Variants in NINJ1 observed in about 807,000 individuals in gnomAD.
The protein encoded by NINJ1 is ninjurin-1.
Under a neutral mutation model 12.7 loss-of-function variants are expected in NINJ1, and 6 were observed. That is an observed-to-expected ratio of 0.47 (90% CI 0.26 to 0.93). The LOEUF is 0.93. Ranked by LOEUF, NINJ1 falls within the 40% of genes least tolerant of loss-of-function variation. NINJ1 has a pLI of 0.15. For synonymous variants in NINJ1, 100 were observed against 96.0 expected (o/e 1.04, Z -0.25); for missense variants, 170 against 213.0 (o/e 0.80, Z 1.26).
At chr9:93,127,436 T>C (rs1827830416) in intron 1 of NINJ1, among the ~76,000 whole-genome samples, 1 of 152,162 alleles carries the variant, frequency 6.6e-6, no homozygotes, top group Non-Finnish European at 1.5e-5. Flanking sequence ...CTTTCCCTGG[T>C]GCCAGACACT....
intron 1 of NINJ1, among the ~76,000 whole-genome samples, chr9:93,131,861 A>G (rs974971012): frequency 6.6e-6 from 1 of 152,120 alleles, no homozygotes; most frequent in Admixed American, 6.5e-5. Flanking sequence ...AGCCTTGTCC[A>G]CCCTGGGAGG....
rs550201146 is a variant in NINJ1 at position 93,130,456 on chromosome 9, G to C, written c.75+3687C>G. Among the ~76,000 whole-genome samples, 20 of 152,334 alleles carry C rather than the reference G, an allele frequency of 1.3e-4. No individual in the cohort carries two copies. The South Asian group carries it at 3.9e-3, about 30-fold the overall frequency. On this transcript the variant is annotated intron_variant, in intron 1 of 3. Transcript: ENST00000375446. ...CCCAGGGCTTGGATGGGAGGAGACA[G>C]GGTCGGGGCTGTGGGCCCACAAATG...
At position 93,132,339 on chromosome 9, in the gene NINJ1, C is replaced by A. The variant is rs147005141; in HGVS notation, c.75+1804G>T. On this transcript the variant is annotated intron_variant, in intron 1 of 3. Transcript: ENST00000375446. ...TTCCACAGCTCCCTGGACACCAGAC[C>A]GTGATCAGGCCTGCAAGGCCCCTCC... 2.8e-3 allele frequency among the ~76,000 whole-genome samples: 420 copies of A among 152,320 alleles called. 2 individuals carry two copies. The highest frequency in any genetic ancestry group is 0.013 in the South Asian group (65 of 4,832).
Position 93,124,907 on chromosome 9 carries a change from CCTA to C in NINJ1, c.457_459del (p.Ter153delextTer23). On this transcript the variant is annotated stop_lost and inframe_deletion, in exon 3 of 4. Coordinates refer to ENST00000375446, the MANE Select transcript of NINJ1 (RefSeq NM_004148.4). ...CCCATCTCCCAGCTCACCTGGGTGT[CCTA>C]CTGCTGGGGTGCCATGTCCATCAAG... The C allele has an allele frequency of 1.2e-6, 2 of 1,607,044 alleles. No homozygotes were observed. Among genetic ancestry groups the C allele is most frequent in the Non-Finnish European group, 1.7e-6 (2 of 1,176,310 alleles).
At chr9:93,132,387 C>T (rs1827907979) in intron 1 of NINJ1, among the ~76,000 whole-genome samples, 1 of 152,222 alleles carries the variant, frequency 6.6e-6, no homozygotes, top group African/African-American at 2.4e-5. Flanking sequence ...TTCCCATCCC[C>T]CCACCTCCTA....
intron 2 of NINJ1, 56 bp from the exon 3 acceptor site, chr9:93,125,118 G>C: frequency 1.3e-6 from 2 of 1,541,476 alleles, no homozygotes; most frequent in Non-Finnish European, 1.8e-6. Flanking sequence ...CAGCGCCCCA[G>C]CCTGGGACAG....
intron 3 of NINJ1, 134 bp downstream of exon 3, chr9:93,124,765 T>C: frequency 1.1e-6 from 1 of 926,794 alleles, no homozygotes. Context: ...ATTGGCCTTG[T>C]AGGTGTGGAC....
intron 3 of NINJ1, among the ~76,000 whole-genome samples, 190 bp from the exon 4 acceptor site, chr9:93,122,420 G>A (rs190848858): frequency 2.0e-5 from 3 of 150,384 alleles, no homozygotes; most frequent in African/African-American, 2.5e-5. Context: ...GCCTGGGAAG[G>A]GGGGAGAGGA....
chr9:93,128,554 C>T (rs1347197576), intron 1 of NINJ1, among the ~76,000 whole-genome samples: 2 of 152,252 alleles, frequency 1.3e-5, no homozygotes, highest in Non-Finnish European at 2.9e-5. Flanking sequence ...CGAAGCTGCC[C>T]AGTGGGCCAC....
At chr9:93,128,083 T>C (rs970098625) in intron 1 of NINJ1, among the ~76,000 whole-genome samples, 1 of 152,116 alleles carries the variant, frequency 6.6e-6, no homozygotes, top group Non-Finnish European at 1.5e-5. Context: ...GCCTGGGAAT[T>C]CCAACAACCT....
At chr9:93,133,367 G>C (rs776444365) in intron 1 of NINJ1, among the ~76,000 whole-genome samples, 1 of 152,238 alleles carries the variant, frequency 6.6e-6, no homozygotes, top group Non-Finnish European at 1.5e-5. Flanking sequence ...GTTAGAAAAG[G>C]AAAGAATGTT....
Position 93,126,354 on chromosome 9 carries a change from G to A in NINJ1, c.304+56C>T, listed in dbSNP as rs577144241. 26 of 1,489,868 alleles carry A rather than the reference G, an allele frequency of 1.7e-5. No homozygotes were observed. In the East Asian group the frequency reaches 4.5e-4, roughly 26 times the overall value. The allele number at this position is 1,489,868 out of a possible 1,614,324, so 92.3% of individuals were successfully genotyped here. Reference sequence around the variant, plus strand: ...GGTGGGCACCTGTCCCAGGCGATGCGAGCAGATGCCAGCAAGGTGAGCAGG... The same window carrying A: ...GGTGGGCACCTGTCCCAGGCGATGCAAGCAGATGCCAGCAAGGTGAGCAGG... On this transcript the variant is annotated intron_variant, in intron 2 of 3. Transcript: ENST00000375446.
At position 93,126,647 on chromosome 9, in the gene NINJ1, A is replaced by G. The variant is rs1587664487; in HGVS notation, c.76-9T>C. The G allele has an allele frequency of 3.5e-6, 5 of 1,434,264 alleles. No homozygotes were observed. Among genetic ancestry groups the G allele is most frequent in the Non-Finnish European group, 3.8e-6 (4 of 1,049,738 alleles). 88.8% of individuals were successfully genotyped at this position (1,434,264 alleles called of 1,614,324 possible). On this transcript the variant is annotated splice_polypyrimidine_tract_variant and intron_variant, in intron 1 of 3. Transcript: ENST00000375446. Reference sequence around the variant, plus strand: ...CAGCCCCAGCGGGCCGGCTGCAGGGAGGGGAATGGTCAGCAAGGCGGGTGG... The same window carrying G: ...CAGCCCCAGCGGGCCGGCTGCAGGGGGGGGAATGGTCAGCAAGGCGGGTGG...
Position 93,122,477 on chromosome 9 carries a change from A to G in NINJ1, c.*10-247T>C, listed in dbSNP as rs1225898915. 1.1e-4 allele frequency among the ~76,000 whole-genome samples: 16 copies of G among 142,120 alleles called. 1 individual carries two copies. The highest frequency in any genetic ancestry group is 1.5e-4 in the Non-Finnish European group (10 of 64,938). The allele number at this position is 142,120 out of a possible 152,430, so 93.2% of individuals were successfully genotyped here. A position where few individuals can be genotyped will look rare whatever the true frequency, so the allele number is the denominator to read the frequency against. On this transcript the variant is annotated intron_variant, in intron 3 of 3. Coordinates refer to ENST00000375446, the MANE Select transcript of NINJ1 (RefSeq NM_004148.4). ...GGGAGAGGAGAGGCTCTGAGCCTGG[A>G]AGGAGGGAGAGGAGAGGCTCTGAGC...
At chr9:93,129,529 A>G (rs1489476466) in intron 1 of NINJ1, among the ~76,000 whole-genome samples, 1 of 152,200 alleles carries the variant, frequency 6.6e-6, no homozygotes, top group East Asian at 1.9e-4. Flanking sequence ...CATGCAGGTC[A>G]AGCCCTGGCT....
At chr9:93,130,908 G>C (rs2130752480) in intron 1 of NINJ1, among the ~76,000 whole-genome samples, 1 of 152,262 alleles carries the variant, frequency 6.6e-6, no homozygotes, top group East Asian at 1.9e-4. Context: ...GGGGGTCCCA[G>C]TCTACACCTT....
chr9:93,126,643 A>C lies in NINJ1; in HGVS notation c.76-5T>G, dbSNP rs1827815029. ...CCTCCAGCCCCAGCGGGCCGGCTGC[A>C]GGGAGGGGAATGGTCAGCAAGGCGG... is the stretch of plus-strand genomic sequence containing the variant. On this transcript the variant is annotated splice_region_variant and splice_polypyrimidine_tract_variant and intron_variant, in intron 1 of 3. Transcript: ENST00000375446. 6.7e-7 allele frequency: 1 copy of C among 1,489,270 alleles called. No individual in the cohort carries two copies. The highest frequency in any genetic ancestry group is 1.8e-5 in the Admixed American group (1 of 56,394). 92.3% of individuals were successfully genotyped at this position (1,489,270 alleles called of 1,614,324 possible).
intron 1 of NINJ1, among the ~76,000 whole-genome samples, chr9:93,128,045 A>G (rs7037142): frequency 0.2 from 30,100 of 152,198 alleles, 3,151 homozygotes; most frequent in African/African-American, 0.22. Flanking sequence ...GTCAGGGGAC[A>G]CTGGTGGGCT....
In NINJ1 at chr9:93,134,167, G is replaced by T. The variant is rs1827941567; in HGVS notation, c.51C>A (p.Gly17=). 2 of 1,559,212 alleles carry T rather than the reference G, an allele frequency of 1.3e-6. No individual in the cohort carries two copies. Among genetic ancestry groups the T allele is most frequent in the East Asian group, 2.4e-5 (1 of 42,006 alleles). Residue 17 remains glycine, a synonymous_variant, in exon 1 of 4, where the codon GGC becomes GGA. Transcript: ENST00000375446. ...CCGAGGCGTCCGGGGAGCCGGGTGTGCCCGGAGGCAGGCCGCCGTTGAGCT... is the reference window on the plus strand; with the variant it reads ...CCGAGGCGTCCGGGGAGCCGGGTGTTCCCGGAGGCAGGCCGCCGTTGAGCT... ...EYELNGGLPP[G]TPGSPDASPA...
Sources: allele counts gnomAD v4.1 joint callset (sites outside exome capture counted in the v4.1 genomes callset), GRCh38; gene constraint gnomAD v4.1.1; transcripts MANE v1.5; gene names NCBI Gene and HGNC (gene_info 2026-07-23, HGNC 2026-07-21).